The following SCN4A variants were observed in gnomAD, a reference collection of about 807,000 sequenced individuals.
SCN4A encodes the protein sodium voltage-gated channel alpha subunit 4.
In SCN4A, 83 loss-of-function variants were observed where a neutral mutation model predicts 162.0. The observed-to-expected ratio is 0.51, with a 90% CI of 0.43 to 0.61. The LOEUF is 0.61. Among genes scored for constraint, SCN4A ranks in the 20% least tolerant of loss-of-function variants. The pLI, the probability that SCN4A is intolerant of heterozygous loss-of-function variation, is 0.00. For missense variants in SCN4A, 2,196 were observed against 2,462.5 expected, an observed-to-expected ratio of 0.89 and a Z score of 2.29; for synonymous variants, 944 against 985.1, an observed-to-expected ratio of 0.96 and a Z score of 0.78.
At chr17:63,959,672 A>G (rs1909183416) in intron 11 of SCN4A, among the ~76,000 whole-genome samples, 1 of 152,140 alleles carries the variant, frequency 6.6e-6, no homozygotes, top group African/African-American at 2.4e-5. Context: ...GTTCCCATTC[A>G]TTTCTGGCCT....
chr17:63,940,739 C>A lies in SCN4A; in HGVS notation c.*32G>T. ...CACGGGGGAGCTCTGGGGACTATGC[C>A]GAGACTCAGTGGGCCACCCCGATGC... is the stretch of plus-strand genomic sequence containing the variant. On this transcript the variant is annotated 3_prime_UTR_variant, in exon 24 of 24. Transcript: ENST00000435607. 6.5e-7 allele frequency: 1 copy of A among 1,530,302 alleles called. No individual in the cohort carries two copies. Among genetic ancestry groups the A allele is most frequent in the East Asian group, 2.3e-5 (1 of 44,112 alleles). The allele number at this position is 1,530,302 out of a possible 1,614,324, so 94.8% of individuals were successfully genotyped here.
intron 17 of SCN4A, 75 bp downstream of exon 17, chr17:63,947,815 G>T (rs1485391421): frequency 1.7e-5 from 25 of 1,486,560 alleles, no homozygotes; most frequent in Non-Finnish European, 2.2e-5. Context: ...GCCCTTCAGG[G>T]CGTGGGCTTC....
chr17:63,969,660 T>C (rs1464206766), intron 5 of SCN4A, among the ~76,000 whole-genome samples: 3 of 152,142 alleles, frequency 2.0e-5, no homozygotes, highest in Admixed American at 2.0e-4. Context: ...TCTTTTTTTT[T>C]TGAGATAGAG....
chr17:63,970,242 T>C (rs1291956642), intron 5 of SCN4A, among the ~76,000 whole-genome samples: 1 of 152,174 alleles, frequency 6.6e-6, no homozygotes, highest in Non-Finnish European at 1.5e-5. Context: ...GCTTATTTTA[T>C]TGAGCACACA....
chr17:63,960,084 A>G (rs73326349), intron 11 of SCN4A, among the ~76,000 whole-genome samples: 11,854 of 152,262 alleles, frequency 0.078, 1,129 homozygotes, highest in African/African-American at 0.23. Context: ...TGGACATGGG[A>G]TCTGAGGATT....
chr17:63,951,593 T>C lies in SCN4A; in HGVS notation c.2684A>G (p.Asn895Ser). The change falls in exon 14 of 24, where the codon AAC becomes AGC. Residue 895 changes from asparagine to serine, a missense_variant. Coordinates refer to ENST00000435607, the MANE Select transcript of SCN4A (RefSeq NM_000334.4). The surrounding 1 kb of genome is among the most constrained non-coding windows in gnomAD (Gnocchi z 4.5). ...GGGGCCGTCAGCCAGGCCCATGTGG[T>C]TCAGGATGTGATTGTCCTTCTTCAG... The part of the protein sequence containing the change: ...EDLKKDNHIL[N>S]HMGLADGPPS... The C allele has an allele frequency of 6.2e-7, 1 of 1,613,896 alleles. No homozygotes were observed. Among genetic ancestry groups the C allele is most frequent in the Non-Finnish European group, 8.5e-7 (1 of 1,179,864 alleles).
chr17:63,951,823 C>T lies in SCN4A; in HGVS notation c.2454G>A (p.Glu818=). Residue 818 remains glutamate, a synonymous_variant, in exon 14 of 24, where the codon GAG becomes GAA. Transcript: ENST00000435607. The surrounding 1 kb of genome is among the most constrained non-coding windows in gnomAD (Gnocchi z 4.5). ...CGATGGCAATCTGCAGGTTGTTCAT[C>T]TCGCCATCCTCATCCGAGGCTGCCA... ...DSLAASDEDG[E]MNNLQIAIGR... is the part of the protein sequence containing the mutation. 1.3e-6 allele frequency: 2 copies of T among 1,577,548 alleles called. No homozygotes were observed. The highest frequency in any genetic ancestry group is 1.7e-6 in the Non-Finnish European group (2 of 1,162,762).
At position 63,972,098 on chromosome 17, in the gene SCN4A, T is replaced by A; in HGVS notation, c.482+38A>T. ...GTGCAAACACCTGAGATGGGCTGTG[T>A]CCCAGGGCTGGGGAGCTCAGGGAGC... is the stretch of plus-strand genomic sequence containing the variant. On this transcript the variant is annotated intron_variant, in intron 3 of 23. Coordinates refer to ENST00000435607, the MANE Select transcript of SCN4A (RefSeq NM_000334.4). This position sits in a 1 kb window ranked among gnomAD's most constrained non-coding sequence, Gnocchi z 4.3. 1 of 1,499,752 alleles carries A rather than the reference T, an allele frequency of 6.7e-7. No homozygotes were observed. The highest frequency in any genetic ancestry group is 2.3e-5 in the East Asian group (1 of 43,896). 92.9% of individuals were successfully genotyped at this position (1,499,752 alleles called of 1,614,324 possible). A position where few individuals can be genotyped will look rare whatever the true frequency, so the allele number is the denominator to read the frequency against.
At chr17:63,971,665 C>T (rs1358734255) in intron 4 of SCN4A, 57 bp downstream of exon 4, 4 of 1,518,614 alleles carry the variant, frequency 2.6e-6, no homozygotes, top group Non-Finnish European at 2.7e-6. Flanking sequence ...CTCTTTAAGG[C>T]CTGGCCCCCT....
At position 63,940,961 on chromosome 17, in the gene SCN4A, T is replaced by G; in HGVS notation, c.5321A>C (p.Asn1774Thr). 1.2e-6 allele frequency: 2 copies of G among 1,613,612 alleles called. No homozygotes were observed. Among genetic ancestry groups the G allele is most frequent in the Non-Finnish European group, 1.7e-6 (2 of 1,179,570 alleles). ...GTGGCCATACATCTTGCTCATGGTGTTGGCAAGCAGCCCCTCCTTCTCAGG... is the reference window on the plus strand; with the variant it reads ...GTGGCCATACATCTTGCTCATGGTGGTGGCAAGCAGCCCCTCCTTCTCAGG... ...DAPEKEGLLANTMSKMYGHEN... is the reference protein window; with the variant it reads ...DAPEKEGLLATTMSKMYGHEN... The change falls in exon 24 of 24, where the codon AAC becomes ACC. Residue 1774 changes from asparagine (N) to threonine (T), a missense_variant. Coordinates refer to ENST00000435607, the MANE Select transcript of SCN4A (RefSeq NM_000334.4).
rs1427001888 is a variant in SCN4A at position 63,945,207 on chromosome 17, G to A, written c.3721-147C>T. The A allele has an allele frequency of 4.9e-6, 5 of 1,017,858 alleles. No individual in the cohort carries two copies. Among genetic ancestry groups the A allele is most frequent in the African/African-American group, 3.2e-5 (2 of 62,714 alleles). The allele number at this position is 1,017,858 out of a possible 1,614,324, so 63.1% of individuals were successfully genotyped here. ...GGGCTAGCATCAAATAAAGACCAGA[G>A]AGGTCTAGACACTGCCTGGGGATCC... On this transcript the variant is annotated intron_variant, in intron 19 of 23. Transcript: ENST00000435607. The surrounding 1 kb of genome is among the most constrained non-coding windows in gnomAD (Gnocchi z 4.4).
chr17:63,946,282 C>T (rs1014186667), intron 18 of SCN4A, among the ~76,000 whole-genome samples: 2 of 152,128 alleles, frequency 1.3e-5, no homozygotes, highest in African/African-American at 2.4e-5. Flanking sequence ...TTCCCCTCAA[C>T]GGGAGGGCTC....
chr17:63,942,131 T>A, intron 23 of SCN4A, 138 bp from the exon 24 acceptor site: 1 of 846,468 alleles, frequency 1.2e-6, no homozygotes, highest in Non-Finnish European at 1.8e-6. Context: ...GACTGACAGG[T>A]GAGGCTGGGC....
chr17:63,965,982 G>A, intron 8 of SCN4A, 120 bp downstream of exon 8: 2 of 709,422 alleles, frequency 2.8e-6, no homozygotes, highest in African/African-American at 1.7e-5. Context: ...GAGTCCATGA[G>A]GAGATGGCCC....
At position 63,968,061 on chromosome 17, in the gene SCN4A, T is replaced by G; in HGVS notation, c.998A>C (p.Asn333Thr). 1 of 1,614,040 alleles carries G rather than the reference T, an allele frequency of 6.2e-7. No homozygotes were observed. The highest frequency in any genetic ancestry group is 8.5e-7 in the Non-Finnish European group (1 of 1,179,902). The change falls in exon 6 of 24, where the codon AAC (asparagine) becomes ACC (threonine). Residue 333 changes from asparagine (N) to threonine (T), a missense_variant. Coordinates refer to ENST00000435607, the MANE Select transcript of SCN4A (RefSeq NM_000334.4). Reference sequence around the variant, plus strand: ...GTAGGCGTCCCAATCAAAGGTATCGTTGGTGGCCCAGCTTGCATGGCTGTT... The same window carrying G: ...GTAGGCGTCCCAATCAAAGGTATCGGTGGTGGCCCAGCTTGCATGGCTGTT... ...TWNSHASWAT[N>T]DTFDWDAYIS...
In SCN4A at chr17:63,961,189, C is replaced by CA; in HGVS notation, c.1845+3_1845+4insT. ...GAATGATCCCCTCCCCCGCCCCTCC[C>CA]TACCAGGTTGCCCACAGTGAGCACG... On this transcript the variant is annotated splice_donor_region_variant and intron_variant, in intron 11 of 23. Coordinates refer to ENST00000435607, the MANE Select transcript of SCN4A (RefSeq NM_000334.4). The CA allele has an allele frequency of 6.6e-7, 1 of 1,512,302 alleles. No homozygotes were observed. The highest frequency in any genetic ancestry group is 9.2e-7 in the Non-Finnish European group (1 of 1,090,520). 93.7% of individuals were successfully genotyped at this position (1,512,302 alleles called of 1,614,324 possible).
chr17:63,965,272 G>T (rs1909401849), intron 8 of SCN4A, among the ~76,000 whole-genome samples: 1 of 152,076 alleles, frequency 6.6e-6, no homozygotes, highest in Non-Finnish European at 1.5e-5. Context: ...TCAAACTTCT[G>T]ACCTCAAGTG....
chr17:63,968,002 C>A (rs372312170), intron 6 of SCN4A, 21 bp downstream of exon 6: 1 of 1,604,492 alleles, frequency 6.2e-7, no homozygotes, highest in East Asian at 2.2e-5. Context: ...CCCCCTTGCC[C>A]GTCACCCTCC....
chr17:63,968,024 T>G lies in SCN4A; in HGVS notation c.1035A>C (p.Glu345Asp), dbSNP rs949161665. 2 of 1,612,988 alleles carry G rather than the reference T, an allele frequency of 1.2e-6. No homozygotes were observed. The highest frequency in any genetic ancestry group is 1.7e-6 in the Non-Finnish European group (2 of 1,179,274). ...GCCCGTCACCCTCCCCATTCTTACC[T>G]TCATCACTGATGTAGGCGTCCCAAT... ...TFDWDAYISD[E>D]GNFYFLEGSN... Residue 345 changes from glutamate (E) to aspartate (D), a missense_variant and splice_region_variant, in exon 6 of 24, where the codon GAA (glutamate) becomes GAC (aspartate). Physicochemically the swap from Glu to Asp is conservative, Grantham distance 45. Transcript: ENST00000435607.
Sources: allele counts gnomAD v4.1 joint callset (sites outside exome capture counted in the v4.1 genomes callset), GRCh38; gene constraint gnomAD v4.1.1; non-coding constraint Gnocchi (gnomAD v3.1); transcripts MANE v1.5; gene names NCBI Gene and HGNC (gene_info 2026-07-23, HGNC 2026-07-21).